The following SH3BGRL variants were observed in gnomAD, a reference collection of about 807,000 sequenced individuals.
SH3BGRL encodes the protein adapter SH3BGRL.
SH3BGRL carries 7 observed loss-of-function variants against 9.8 expected under a neutral mutation model. The observed-to-expected ratio is 0.72, with a 90% confidence interval of 0.41 to 1.35. The LOEUF is 1.35. SH3BGRL is among the 40% of genes most tolerant of loss of function. The pLI is 0.01. For missense variants in SH3BGRL, 73 were observed against 84.4 expected (o/e 0.86, Z 0.53); for synonymous variants, 36 against 29.1 (o/e 1.24, Z -0.76).
intron 1 of SH3BGRL, among the ~76,000 whole-genome samples, chrX:81,262,036 C>T (rs904039426): frequency 9.0e-6 from 1 of 110,927 alleles, no homozygotes. Context: ...AAATCCTGCC[C>T]AGTCAGCCTC....
At chrX:81,202,414 CA>C (rs2075531241) in intron 1 of SH3BGRL, 169 bp downstream of exon 1, 1 of 941,283 alleles carries the variant, frequency 1.1e-6, no homozygotes. Flanking sequence ...GCATCGATTT[CA>C]TTTTTTTTTT....
intron 1 of SH3BGRL, among the ~76,000 whole-genome samples, chrX:81,245,535 G>A (rs1228563914): frequency 8.9e-6 from 1 of 112,140 alleles, no homozygotes; most frequent in Non-Finnish European, 1.9e-5. Flanking sequence ...GTAGAAAAGA[G>A]AAGTACATTG....
rs1251082307 is a variant in SH3BGRL at position 81,237,147 on chromosome X, A to G, written c.45+34902A>G. The G allele has an allele frequency of 7.7e-6, 5 of 652,375 alleles. No individual in the cohort carries two copies. In the African/African-American group the frequency reaches 1.1e-4, roughly 15 times the overall value. The allele number at this position is 652,375 out of a possible 1,213,427, so 53.8% of individuals were successfully genotyped here. A position where few individuals can be genotyped will look rare whatever the true frequency, so the allele number is the denominator to read the frequency against. On this transcript the variant is annotated intron_variant, in intron 1 of 3. Coordinates refer to ENST00000373212, the MANE Select transcript of SH3BGRL (RefSeq NM_003022.3). ...GAGATGGATCAAGATGGTGAAATAG[A>G]AGACTCCACCAATCATCCCCTTCAC...
intron 1 of SH3BGRL, 49 bp downstream of exon 1, chrX:81,202,294 C>T (rs375944926): frequency 7.1e-6 from 8 of 1,127,373 alleles, no homozygotes; most frequent in Non-Finnish European, 9.6e-6. Context: ...CACACCAGTC[C>T]TCTGCTGCCC....
intron 1 of SH3BGRL, among the ~76,000 whole-genome samples, chrX:81,254,409 G>A (rs942845149): frequency 5.4e-5 from 6 of 111,661 alleles, no homozygotes; most frequent in Non-Finnish European, 7.5e-5. Flanking sequence ...GGGGCACACC[G>A]CTGTGGCTTC....
At chrX:81,278,944 A>G (rs2075807097) in intron 3 of SH3BGRL, among the ~76,000 whole-genome samples, 1 of 112,490 alleles carries the variant, frequency 8.9e-6, no homozygotes, top group Non-Finnish European at 1.9e-5. Context: ...GGAGAGACCA[A>G]ATAAAGAAAG....
intron 1 of SH3BGRL, among the ~76,000 whole-genome samples, chrX:81,211,306 C>G (rs904875438): frequency 8.9e-6 from 1 of 111,742 alleles, no homozygotes; most frequent in African/African-American, 3.3e-5. Flanking sequence ...CATTTGAGGC[C>G]GGGCGCGGTG....
At chrX:81,285,551 G>A (rs756741482) in intron 3 of SH3BGRL, among the ~76,000 whole-genome samples, 1 of 111,623 alleles carries the variant, frequency 9.0e-6, no homozygotes, top group Non-Finnish European at 1.9e-5. Context: ...GAATAGAAGT[G>A]TTAATTATAA....
At chrX:81,215,722 A>G (rs2075579320) in intron 1 of SH3BGRL, among the ~76,000 whole-genome samples, 1 of 111,499 alleles carries the variant, frequency 9.0e-6, no homozygotes, top group Non-Finnish European at 1.9e-5. Context: ...CCTGACAATG[A>G]TCTTCTTATT....
intron 1 of SH3BGRL, among the ~76,000 whole-genome samples, chrX:81,212,755 C>A (rs961249430): frequency 3.6e-5 from 4 of 111,259 alleles, no homozygotes; most frequent in Non-Finnish European, 7.5e-5. Flanking sequence ...CTTATGCTGC[C>A]CAAATGCCAG....
At chrX:81,223,849 T>TA (rs963174981) in intron 1 of SH3BGRL, among the ~76,000 whole-genome samples, 3 of 111,103 alleles carry the variant, frequency 2.7e-5, no homozygotes, top group Admixed American at 9.6e-5. Context: ...TCTGACTGAT[T>TA]AAAAAAAACT....
intron 1 of SH3BGRL, among the ~76,000 whole-genome samples, chrX:81,270,768 A>T (rs976299673): frequency 8.9e-6 from 1 of 112,019 alleles, no homozygotes; most frequent in African/African-American, 3.2e-5. Context: ...CAGAGCTGCC[A>T]GGCAGTGAAC....
intron 1 of SH3BGRL, among the ~76,000 whole-genome samples, chrX:81,271,470 G>C (rs1439468278): frequency 8.9e-6 from 1 of 112,122 alleles, no homozygotes; most frequent in Non-Finnish European, 1.9e-5. Context: ...TCTGTCACGA[G>C]AACTCTAGGG....
chrX:81,282,090 A>T (rs1419538680), intron 3 of SH3BGRL, among the ~76,000 whole-genome samples: 2 of 112,366 alleles, frequency 1.8e-5, no homozygotes, highest in Non-Finnish European at 3.8e-5. Flanking sequence ...AAAGAGGGAC[A>T]TTATATAATG....
intron 1 of SH3BGRL, among the ~76,000 whole-genome samples, chrX:81,208,032 G>A (rs977463836): frequency 9.0e-6 from 1 of 111,495 alleles, no homozygotes; most frequent in African/African-American, 3.3e-5. Flanking sequence ...CGAGCTAGGC[G>A]GATCACGAGG....
chrX:81,269,374 T>C (rs2075769265), intron 1 of SH3BGRL, among the ~76,000 whole-genome samples: 1 of 111,850 alleles, frequency 8.9e-6, no homozygotes, highest in Non-Finnish European at 1.9e-5. Flanking sequence ...CTTTCCAAGT[T>C]TAGTAATTCC....
At chrX:81,295,439 C>A (rs1044939532) in intron 3 of SH3BGRL, among the ~76,000 whole-genome samples, 1 of 111,592 alleles carries the variant, frequency 9.0e-6, no homozygotes, top group Non-Finnish European at 1.9e-5. Context: ...GCTGCCTCCT[C>A]TTAAGAAGTG....
chrX:81,236,224 G>A (rs1358696531), intron 1 of SH3BGRL, among the ~76,000 whole-genome samples: 3 of 111,477 alleles, frequency 2.7e-5, no homozygotes, highest in Non-Finnish European at 3.8e-5. Context: ...ACACATGCTA[G>A]GTGTGGAAAA....
At chrX:81,294,880 G>A (rs1425135338) in intron 3 of SH3BGRL, among the ~76,000 whole-genome samples, 2 of 112,357 alleles carry the variant, frequency 1.8e-5, no homozygotes, top group Non-Finnish European at 3.8e-5. Context: ...TGTGAGACAT[G>A]GAGTCAAAGG....
Sources: allele counts gnomAD v4.1 joint callset (sites outside exome capture counted in the v4.1 genomes callset), GRCh38; gene constraint gnomAD v4.1.1; transcripts MANE v1.5; gene names NCBI Gene and HGNC (gene_info 2026-07-23, HGNC 2026-07-21).